The following SCN9A variants were observed in gnomAD, a reference collection of about 807,000 sequenced individuals.
The protein encoded by SCN9A is sodium voltage-gated channel alpha subunit 9, also known as sodium channel protein type 9 subunit alpha.
In SCN9A, 131 loss-of-function variants were observed where a neutral mutation model predicts 187.0. The observed-to-expected ratio is 0.70, with a 90% CI of 0.61 to 0.81. The LOEUF is 0.81. Among genes scored for constraint, SCN9A ranks in the 30% least tolerant of loss-of-function variants. SCN9A has a pLI of 0.00. For synonymous variants in SCN9A, 809 were observed against 808.6 expected, an observed-to-expected ratio of 1.00 and a Z score of -0.01; for missense variants, 2,252 against 2,396.6, an observed-to-expected ratio of 0.94 and a Z score of 1.26.
chr2:166,302,927 T>C (rs1401176597), intron 7 of SCN9A, 163 bp downstream of exon 7: 4 of 594,132 alleles, frequency 6.7e-6, no homozygotes, highest in Admixed American at 3.2e-5. Flanking sequence ...CAGGATGATT[T>C]ATGAAAATCA....
intron 1 of SCN9A, among the ~76,000 whole-genome samples, chr2:166,352,162 A>G (rs1700048480): frequency 6.6e-6 from 1 of 152,298 alleles, no homozygotes; most frequent in South Asian, 2.1e-4. Context: ...TATAATGTGA[A>G]TGACAGTAAG....
chr2:166,271,816 C>G (rs1029924598), intron 17 of SCN9A, among the ~76,000 whole-genome samples: 6 of 151,620 alleles, frequency 4.0e-5, no homozygotes, highest in African/African-American at 1.5e-4. Context: ...TATGATAGCA[C>G]CACTGTACTC....
chr2:166,288,201 A>C (rs1242508248), intron 10 of SCN9A, among the ~76,000 whole-genome samples: 3 of 150,788 alleles, frequency 2.0e-5, no homozygotes, highest in African/African-American at 7.3e-5. Flanking sequence ...TAAAAGGTTT[A>C]AGAGGAACAG....
At chr2:166,267,218 G>T (rs1696779868) in intron 17 of SCN9A, among the ~76,000 whole-genome samples, 2 of 151,774 alleles carry the variant, frequency 1.3e-5, no homozygotes, top group Admixed American at 6.6e-5. Flanking sequence ...TTACATTAAG[G>T]TATGTTTCTT....
intron 17 of SCN9A, among the ~76,000 whole-genome samples, chr2:166,256,956 G>A (rs1480445753): frequency 6.6e-6 from 1 of 151,596 alleles, no homozygotes. Flanking sequence ...TCATATAAAA[G>A]CAACAACAGT....
At chr2:166,215,300 C>A (rs1197702923) in intron 24 of SCN9A, among the ~76,000 whole-genome samples, 1 of 151,686 alleles carries the variant, frequency 6.6e-6, no homozygotes, top group Non-Finnish European at 1.5e-5. Context: ...GAAAAAGAAG[C>A]CCTGAGAGAA....
chr2:166,313,496 A>G (rs887125629), intron 1 of SCN9A, among the ~76,000 whole-genome samples: 4 of 151,652 alleles, frequency 2.6e-5, no homozygotes, highest in Non-Finnish European at 5.9e-5. Context: ...CTTTCCTTCA[A>G]TCTCATGGGG....
At chr2:166,308,157 A>C (rs1030203436) in intron 2 of SCN9A, among the ~76,000 whole-genome samples, 2 of 152,246 alleles carry the variant, frequency 1.3e-5, no homozygotes, top group Non-Finnish European at 2.9e-5. Flanking sequence ...ATTCACTTTT[A>C]CATGGAAAAT....
At chr2:166,328,699 G>A (rs564315036) in intron 1 of SCN9A, among the ~76,000 whole-genome samples, 2 of 152,048 alleles carry the variant, frequency 1.3e-5, no homozygotes, top group African/African-American at 4.8e-5. Flanking sequence ...TAGAATAGGC[G>A]CCTGTTTACA....
chr2:166,324,879 T>A (rs571842712), intron 1 of SCN9A, among the ~76,000 whole-genome samples: 1 of 152,284 alleles, frequency 6.6e-6, no homozygotes, highest in South Asian at 2.1e-4. Context: ...GATGGTTAAA[T>A]GTAATGTGGT....
In SCN9A at chr2:166,334,437, C is replaced by T. The variant is rs181075520; in HGVS notation, c.-50-22631G>A. ...CTTTAACTTTCAATAAATATCACAC[C>T]TTTATGCAAATATCCACCAATTTAT... On this transcript the variant is annotated intron_variant, in intron 1 of 26. Coordinates refer to ENST00000642356, the MANE Select transcript of SCN9A (RefSeq NM_001365536.1). 3.5e-4 allele frequency among the ~76,000 whole-genome samples: 54 copies of T among 152,142 alleles called. No homozygotes were observed. In the East Asian group the frequency reaches 9.1e-3, roughly 26 times the overall value.
At chr2:166,231,513 G>T (rs4641950) in intron 21 of SCN9A, among the ~76,000 whole-genome samples, 118,272 of 149,020 alleles carry the variant, frequency 0.79, 47,460 homozygotes, top group Non-Finnish European at 0.85. Flanking sequence ...TGGAGTTTCT[G>T]ACTCAGTAGG....
chr2:166,260,922 C>T (rs1696477643), intron 17 of SCN9A, among the ~76,000 whole-genome samples: 1 of 151,630 alleles, frequency 6.6e-6, no homozygotes, highest in African/African-American at 2.4e-5. Flanking sequence ...CTAGTTTTTG[C>T]AGATTAAAAA....
rs867676315 is a variant in SCN9A, at chr2:166,251,490, G to C, written c.3472+275C>G. Among the ~76,000 whole-genome samples, 6 of 152,122 alleles carry C rather than the reference G, an allele frequency of 3.9e-5. No individual in the cohort carries two copies. In the South Asian group the frequency reaches 1.0e-3, roughly 26 times the overall value. On this transcript the variant is annotated intron_variant, in intron 18 of 26. Coordinates refer to ENST00000642356, the MANE Select transcript of SCN9A (RefSeq NM_001365536.1). ...TATTCTGGTGGTTCCATTGATCTGG[G>C]AATACGAATTAAGGCTCTAAAATAA... is the stretch of plus-strand genomic sequence containing the variant.
intron 1 of SCN9A, among the ~76,000 whole-genome samples, chr2:166,357,498 A>T (rs143292594): frequency 6.0e-4 from 92 of 152,268 alleles, no homozygotes; most frequent in Non-Finnish European, 1.0e-3. Context: ...CTCAGGCATC[A>T]TTATAATCTC....
intron 9 of SCN9A, 118 bp from the exon 10 acceptor site, chr2:166,288,761 T>C (rs1697904157): frequency 4.3e-6 from 3 of 692,742 alleles, no homozygotes; most frequent in Non-Finnish European, 6.8e-6. Flanking sequence ...ATCAAAAATA[T>C]AAAGAGAAAA....
At position 166,204,368 on chromosome 2, in the gene SCN9A, G is replaced by A. The variant is rs187558439; in HGVS notation, c.4495C>T (p.Arg1499Ter). 16 of 1,605,978 alleles carry A rather than the reference G, an allele frequency of 1.0e-5. No homozygotes were observed. Among genetic ancestry groups the A allele is most frequent in the South Asian group, 3.4e-5 (3 of 89,528 alleles). The change falls in exon 25 of 27, where the codon CGA becomes TGA. Residue 1499 changes from arginine (R) to a stop codon, truncating the protein, a stop_gained. Coordinates refer to ENST00000642356, the MANE Select transcript of SCN9A (RefSeq NM_001365536.1). LOFTEE classifies it high-confidence loss of function. ...TATATATATTTTTTTACCCCTGGTC[G>A]AGGAATTGGCTTTTGTGGCTTCTTG... ...GSKKPQKPIPRPGNKIQGCIF... is the reference protein window; with the variant it reads ...GSKKPQKPIP
intron 24 of SCN9A, among the ~76,000 whole-genome samples, chr2:166,214,503 CTTTT>C (rs34494272): frequency 3.1e-5 from 2 of 64,264 alleles, no homozygotes; most frequent in South Asian, 6.3e-4. Flanking sequence ...TACAATCTTT[CTTTT>C]TTTTTTTTTT....
Position 166,242,577 on chromosome 2 carries a change from G to T in SCN9A, c.3552C>A (p.Thr1184=). The T allele has an allele frequency of 6.3e-7, 1 of 1,574,802 alleles. No homozygotes were observed. Among genetic ancestry groups the T allele is most frequent in the Non-Finnish European group, 8.6e-7 (1 of 1,159,268 alleles). Residue 1184 remains threonine (T), a synonymous_variant, in exon 19 of 27, where the codon ACC becomes ACA. Coordinates refer to ENST00000642356, the MANE Select transcript of SCN9A (RefSeq NM_001365536.1). ...AACTGTGTTCAACAATCTTGTAGCA[G>T]GTTTTCCTGATGTTCCACCAGATTT... is the stretch of plus-strand genomic sequence containing the variant. The part of the protein sequence containing the change: ...KGKIWWNIRK[T]CYKIVEHSWF...
Sources: allele counts gnomAD v4.1 joint callset (sites outside exome capture counted in the v4.1 genomes callset), GRCh38; gene constraint gnomAD v4.1.1; transcripts MANE v1.5; gene names NCBI Gene and HGNC (gene_info 2026-07-23, HGNC 2026-07-21).